The following TBXAS1 variants were observed in gnomAD, a reference collection of about 807,000 sequenced individuals.
The protein encoded by TBXAS1 is thromboxane A synthase 1, also known as thromboxane-A synthase.
TBXAS1 carries 48 observed loss-of-function variants against 60.7 expected under a neutral mutation model. The ratio of observed to expected loss-of-function variants is 0.79; its 90% CI spans 0.63 to 1.01. The LOEUF is 1.01. TBXAS1 is among the 50% of genes least tolerant of loss of function. The pLI is 0.00. For synonymous variants in TBXAS1, 287 were observed against 269.7 expected, an observed-to-expected ratio of 1.06 and a Z score of -0.63; for missense variants, 685 against 686.3, an observed-to-expected ratio of 1.00 and a Z score of 0.02.
intron 4 of TBXAS1, among the ~76,000 whole-genome samples, chr7:139,799,430 C>T (rs777003766): frequency 2.0e-5 from 3 of 152,104 alleles, no homozygotes; most frequent in Non-Finnish European, 4.4e-5. Context: ...GGGGTTTCAG[C>T]GTGTTGCCCA....
In TBXAS1 at chr7:139,962,162, T is replaced by C. The variant is rs779766759; in HGVS notation, c.1063T>C (p.Tyr355His). The change falls in exon 9 of 13, where the codon TAC becomes CAC. Residue 355 changes from tyrosine to histidine, a missense_variant. Physicochemically the swap from Tyr to His is moderately conservative, Grantham distance 83 (BLOSUM62 2). Coordinates refer to ENST00000448866, the MANE Select transcript of TBXAS1 (RefSeq NM_001061.7). ...IITNTLSFAT[Y>H]LLATNPDCQE... is the part of the protein sequence containing the mutation. ...CACCAACACACTTTCTTTTGCCACC[T>C]ACCTACTGGCCACCAACCCTGACTG... 6.2e-7 allele frequency: 1 copy of C among 1,614,218 alleles called. No individual in the cohort carries two copies. Among genetic ancestry groups the C allele is most frequent in the East Asian group, 2.2e-5 (1 of 44,876 alleles).
chr7:139,846,917 C>T (rs1799853900), intron 1 of TBXAS1, among the ~76,000 whole-genome samples: 2 of 152,062 alleles, frequency 1.3e-5, no homozygotes, highest in African/African-American at 4.8e-5. Flanking sequence ...AGACTGTGGG[C>T]TTTTCTTTGA....
In TBXAS1 at chr7:140,020,268, G is replaced by C. The variant is rs1355316581; in HGVS notation, c.*169G>C. ...TTTCCTAAATGCTTAATAAACGTTT[G>C]TTGCACTTGGTTTTGACATTGCCAA... On this transcript the variant is annotated 3_prime_UTR_variant, in exon 13 of 13. Coordinates refer to ENST00000448866, the MANE Select transcript of TBXAS1 (RefSeq NM_001061.7). 1 of 741,006 alleles carries C rather than the reference G, an allele frequency of 1.3e-6. No individual in the cohort carries two copies. Among genetic ancestry groups the C allele is most frequent in the Non-Finnish European group, 2.4e-6 (1 of 422,534 alleles). 45.9% of individuals were successfully genotyped at this position (741,006 alleles called of 1,614,324 possible). A position where few individuals can be genotyped will look rare whatever the true frequency, so the allele number is the denominator to read the frequency against.
chr7:139,799,272 C>G (rs916985929), intron 4 of TBXAS1, among the ~76,000 whole-genome samples: 5 of 151,556 alleles, frequency 3.3e-5, no homozygotes, highest in Admixed American at 1.3e-4. Flanking sequence ...CTTTGTTGCC[C>G]AGGCTGGAGT....
At position 139,862,203 on chromosome 7, in the gene TBXAS1, C is replaced by T. The variant is rs1350890794; in HGVS notation, c.90-10032C>T. Among the ~76,000 whole-genome samples the T allele has an allele frequency of 2.6e-5, 4 of 152,042 alleles. No homozygotes were observed. The East Asian group carries it at 7.7e-4, about 29-fold the overall frequency. Reference sequence around the variant, plus strand: ...CTGGAGCTCAGTGGAGAAAATGGAACTAGAGTTAAAGATGTGGAATTATTG... The same window carrying T: ...CTGGAGCTCAGTGGAGAAAATGGAATTAGAGTTAAAGATGTGGAATTATTG... On this transcript the variant is annotated intron_variant, in intron 1 of 12. Coordinates refer to ENST00000448866, the MANE Select transcript of TBXAS1 (RefSeq NM_001061.7).
At chr7:139,955,139 C>A (rs1020642842) in intron 6 of TBXAS1, among the ~76,000 whole-genome samples, 47 of 152,150 alleles carry the variant, frequency 3.1e-4, no homozygotes, top group Non-Finnish European at 8.8e-5. Flanking sequence ...CTTCTTAGTA[C>A]CTGGCTGTGT....
At chr7:140,002,627 C>G (rs1381538080) in intron 9 of TBXAS1, among the ~76,000 whole-genome samples, 1 of 152,148 alleles carries the variant, frequency 6.6e-6, no homozygotes, top group Non-Finnish European at 1.5e-5. Flanking sequence ...GTGTGTGCGT[C>G]CTTCTGCCTC....
At chr7:139,976,388 A>G (rs776983980) in intron 9 of TBXAS1, among the ~76,000 whole-genome samples, 8 of 152,188 alleles carry the variant, frequency 5.3e-5, no homozygotes, top group Non-Finnish European at 7.4e-5. Context: ...TCCCAGCTGG[A>G]AGGAGACTGG....
At chr7:139,994,990 G>A (rs1813192026) in intron 9 of TBXAS1, among the ~76,000 whole-genome samples, 1 of 152,352 alleles carries the variant, frequency 6.6e-6, no homozygotes, top group African/African-American at 2.4e-5. Context: ...GATGGCTGCT[G>A]CTAGAATGGT....
At chr7:139,883,748 A>G (rs1802869518) in intron 3 of TBXAS1, among the ~76,000 whole-genome samples, 1 of 152,260 alleles carries the variant, frequency 6.6e-6, no homozygotes, top group African/African-American at 2.4e-5. Context: ...CTGTTTAATC[A>G]TGAACCTCAG....
intron 4 of TBXAS1, among the ~76,000 whole-genome samples, chr7:139,794,487 C>T (rs1585515130): frequency 1.3e-5 from 2 of 151,412 alleles, no homozygotes; most frequent in Admixed American, 1.3e-4. Flanking sequence ...CTTCCCTTTT[C>T]TAGCCAATCT....
At chr7:139,825,317 G>A (rs1051979477), upstream of TBXAS1, among the ~76,000 whole-genome samples, 11 of 152,060 alleles carry the variant, frequency 7.2e-5, no homozygotes, top group Admixed American at 2.0e-4. Context: ...TAAAAACCCC[G>A]AGCATCTCTC....
chr7:139,795,862 A>C (rs1797552408), intron 4 of TBXAS1, among the ~76,000 whole-genome samples: 1 of 152,072 alleles, frequency 6.6e-6, no homozygotes, highest in Non-Finnish European at 1.5e-5. Context: ...TTTCAGGCCA[A>C]GCCCTACCTC....
At chr7:139,967,176 A>C (rs374739391) in intron 9 of TBXAS1, among the ~76,000 whole-genome samples, 1 of 152,184 alleles carries the variant, frequency 6.6e-6, no homozygotes, top group African/African-American at 2.4e-5. Flanking sequence ...CGCCCAGCCT[A>C]TGGGAAACAC....
chr7:140,000,744 A>C (rs565811743), intron 9 of TBXAS1, among the ~76,000 whole-genome samples: 1 of 152,346 alleles, frequency 6.6e-6, no homozygotes, highest in African/African-American at 2.4e-5. Context: ...GTTATTTTAT[A>C]AAATAAGTCC....
In TBXAS1 at chr7:139,809,233, TGATAGATAGATAGATA is replaced by T. The variant is rs55681043; in HGVS notation, c.-79-20056_-79-20041del. Among the ~76,000 whole-genome samples the T allele has an allele frequency of 7.8e-4, 102 of 131,076 alleles. 1 individual carries two copies. The highest frequency in any genetic ancestry group is 1.7e-3 in the African/African-American group (59 of 33,884). 86.0% of individuals were successfully genotyped at this position (131,076 alleles called of 152,430 possible). ...ATAGATAGATAGATAGATAGATAGA[TGATAGATAGATAGATA>T]GATAGATAGATAGATAGATAGAACC... is the stretch of plus-strand genomic sequence containing the variant. On this transcript the variant is annotated intron_variant, in intron 4 of 16. Transcript: ENST00000336425.
chr7:139,883,946 T>C (rs1241902626), intron 3 of TBXAS1, among the ~76,000 whole-genome samples: 1 of 152,184 alleles, frequency 6.6e-6, no homozygotes, highest in East Asian at 1.9e-4. Context: ...TCATGACCAC[T>C]AGTGAGTCAA....
chr7:140,015,925 TG>T, intron 11 of TBXAS1, 65 bp downstream of exon 11: 1 of 1,608,398 alleles, frequency 6.2e-7, no homozygotes, highest in Non-Finnish European at 8.5e-7. Flanking sequence ...AATTTACCAG[TG>T]GAGGCAGCAG....
intron 4 of TBXAS1, among the ~76,000 whole-genome samples, chr7:139,933,643 C>A (rs1397038476): frequency 1.3e-5 from 2 of 152,184 alleles, no homozygotes; most frequent in Non-Finnish European, 2.9e-5. Context: ...TCTCTAGATA[C>A]TTTGCAGTTA....
Sources: allele counts gnomAD v4.1 joint callset (sites outside exome capture counted in the v4.1 genomes callset), GRCh38; gene constraint gnomAD v4.1.1; transcripts MANE v1.5; gene names NCBI Gene and HGNC (gene_info 2026-07-23, HGNC 2026-07-21).